The following APTX variants were observed in gnomAD, a reference collection of about 807,000 sequenced individuals.
APTX encodes the protein forkhead-associated domain histidine triad-like protein.
A neutral mutation model predicts 42.3 loss-of-function variants in APTX; 33 were observed. That is an observed-to-expected ratio of 0.78 (90% confidence interval 0.59 to 1.04). APTX has a LOEUF of 1.04. Among genes scored for constraint, APTX ranks in the 50% least tolerant of loss-of-function variants. APTX has a pLI of 0.00. For synonymous variants in APTX, 130 were observed against 146.7 expected (o/e 0.89, Z 0.82); for missense variants, 421 against 415.1 (o/e 1.01, Z -0.12).
chr9:33,001,742 A>G (rs1836605290), upstream of APTX: 2 of 1,162,844 alleles, frequency 1.7e-6, no homozygotes, highest in Middle Eastern at 1.9e-4. Flanking sequence ...CGTCCGCCCC[A>G]ATTGGGTTCT....
intron 1 of APTX, among the ~76,000 whole-genome samples, chr9:33,015,718 G>A (rs1460238515): frequency 2.0e-5 from 3 of 152,178 alleles, no homozygotes; most frequent in Non-Finnish European, 2.9e-5. Context: ...TTAAAACAAG[G>A]TTGCTGCCAC....
chr9:33,006,277 A>G (rs919860649), upstream of APTX, among the ~76,000 whole-genome samples: 1 of 152,198 alleles, frequency 6.6e-6, no homozygotes, highest in Non-Finnish European at 1.5e-5. Context: ...TTTAATAAAA[A>G]GAATTTTTTT....
Position 33,000,726 on chromosome 9 carries a change from A to G in APTX, c.-5+841T>C, listed in dbSNP as rs150320973. On this transcript the variant is annotated intron_variant, in intron 1 of 7. Coordinates refer to ENST00000379817, the MANE Select transcript of APTX (RefSeq NM_001195248.2). ...CGAGCACAAATCTGTATTGTCTCAC[A>G]TATGAACAATCCCCAAAAGTTCCAA... is the stretch of plus-strand genomic sequence containing the variant. 4.9e-3 allele frequency among the ~76,000 whole-genome samples: 737 copies of G among 151,818 alleles called. 8 individuals are homozygous for G. The highest frequency in any genetic ancestry group is 0.017 in the African/African-American group (713 of 41,498).
chr9:32,973,773 C>G (rs915177627), intron 7 of APTX, 121 bp from the exon 8 acceptor site: 25 of 1,332,064 alleles, frequency 1.9e-5, no homozygotes, highest in Non-Finnish European at 2.7e-5. Flanking sequence ...AGGTATTCTA[C>G]AGCTCCGTAA....
At chr9:32,994,103 T>C (rs1054077255) in intron 1 of APTX, among the ~76,000 whole-genome samples, 9 of 152,212 alleles carry the variant, frequency 5.9e-5, no homozygotes, top group East Asian at 3.8e-4. Flanking sequence ...AGTGATCTGA[T>C]AGACCACACA....
At chr9:32,985,487 A>G (rs1831767768) in intron 5 of APTX, among the ~76,000 whole-genome samples, 1 of 152,010 alleles carries the variant, frequency 6.6e-6, no homozygotes, top group Non-Finnish European at 1.5e-5. Context: ...GGCATGCACC[A>G]CCATGCCCAG....
intron 4 of APTX, 85 bp from the exon 5 acceptor site, chr9:32,986,115 G>T: frequency 8.0e-7 from 1 of 1,254,220 alleles, no homozygotes; most frequent in East Asian, 2.3e-5. Flanking sequence ...TTTGGCAACA[G>T]TTAATACTGT....
At chr9:33,012,927 T>G (rs1837639896) in intron 1 of APTX, among the ~76,000 whole-genome samples, 1 of 152,202 alleles carries the variant, frequency 6.6e-6, no homozygotes, top group South Asian at 2.1e-4. Context: ...ATAGAAGAGT[T>G]GCCTTATATA....
chr9:33,016,777 G>A (rs778568105), intron 1 of APTX, among the ~76,000 whole-genome samples: 4 of 152,112 alleles, frequency 2.6e-5, no homozygotes, highest in Non-Finnish European at 5.9e-5. Context: ...TAGGCACTCT[G>A]ATGTTAGAGG....
intron 1 of APTX, chr9:33,001,252 G>T: frequency 7.2e-7 from 1 of 1,379,420 alleles, no homozygotes; most frequent in Non-Finnish European, 9.5e-7. Context: ...TGCCCTTCCC[G>T]ACAAGCTGGG....
chr9:33,025,074 A>G (rs1001617208), exon 1 of APTX: 1 of 152,572 alleles, frequency 6.6e-6, no homozygotes, highest in African/African-American at 2.4e-5. Flanking sequence ...AAAGGGCTCC[A>G]GAAGATTCCA....
chr9:32,986,558 A>G (rs1323192687), intron 4 of APTX, among the ~76,000 whole-genome samples: 2 of 149,510 alleles, frequency 1.3e-5, no homozygotes, highest in Non-Finnish European at 3.0e-5. Flanking sequence ...GCTGGAGTAC[A>G]ATGGCGTGAT....
chr9:33,018,662 G>A (rs1043193651), intron 1 of APTX, among the ~76,000 whole-genome samples: 6 of 150,210 alleles, frequency 4.0e-5, no homozygotes, highest in Non-Finnish European at 8.8e-5. Context: ...GGTGGATCAC[G>A]AGGTCAGGAG....
At chr9:33,001,838 C>A (rs1214857086), upstream of APTX, among the ~76,000 whole-genome samples, 3 of 152,180 alleles carry the variant, frequency 2.0e-5, no homozygotes, top group Non-Finnish European at 4.4e-5. Context: ...GAGGGCCACT[C>A]GCCTGTCACT....
chr9:33,007,384 T>C (rs938972582), intron 1 of APTX, among the ~76,000 whole-genome samples: 33 of 152,168 alleles, frequency 2.2e-4, no homozygotes, highest in African/African-American at 7.0e-4. Flanking sequence ...TGAAGGTCAT[T>C]GTGGCTGCTG....
chr9:32,973,374 A>C lies in APTX; in HGVS notation c.*124T>G, dbSNP rs915125737. The C allele has an allele frequency of 1.7e-6, 2 of 1,162,452 alleles. No homozygotes were observed. The highest frequency in any genetic ancestry group is 2.6e-6 in the Non-Finnish European group (2 of 782,012). The allele number at this position is 1,162,452 out of a possible 1,614,324, so 72.0% of individuals were successfully genotyped here. On this transcript the variant is annotated 3_prime_UTR_variant, in exon 8 of 8. Transcript: ENST00000379817. ...ATTGTGGCCACTCAATAATAGAATA[A>C]ATTTGTGAAAAAGCTGCATGTTTTA...
chr9:33,008,260 T>C (rs976406808), intron 1 of APTX, among the ~76,000 whole-genome samples: 1 of 151,286 alleles, frequency 6.6e-6, no homozygotes, highest in African/African-American at 2.4e-5. Flanking sequence ...CAACAAAGTA[T>C]TGGGGAAAAT....
At position 32,988,087 on chromosome 9, in the gene APTX, T is replaced by C; in HGVS notation, c.176A>G (p.Lys59Arg). Residue 59 changes from lysine (K) to arginine (R), a missense_variant, in exon 3 of 8, where the codon AAG (lysine) becomes AGG (arginine). Physicochemically the swap from Lys to Arg is conservative, Grantham distance 26 (BLOSUM62 2). Transcript: ENST00000379817. ...AECNKGYVKV[K>R]QVGVNPTSID... is the part of the protein sequence containing the mutation. ...CCAAGTTATAAATACACCTACCTGC[T>C]TTACCTTGACATATCCCTTGTTACA... 1 of 1,614,058 alleles carries C rather than the reference T, an allele frequency of 6.2e-7. No individual in the cohort carries two copies. Among genetic ancestry groups the C allele is most frequent in the Non-Finnish European group, 8.5e-7 (1 of 1,179,890 alleles).
At chr9:32,986,847 C>A (rs1413333019) in intron 4 of APTX, among the ~76,000 whole-genome samples, 1 of 148,690 alleles carries the variant, frequency 6.7e-6, no homozygotes, top group African/African-American at 2.5e-5. Flanking sequence ...CTCGCTCTGT[C>A]GCCCAGGCTG....
Sources: allele counts gnomAD v4.1 joint callset (sites outside exome capture counted in the v4.1 genomes callset), GRCh38; gene constraint gnomAD v4.1.1; transcripts MANE v1.5; gene names NCBI Gene and HGNC (gene_info 2026-07-23, HGNC 2026-07-21).